DNM3: variants seen among roughly 807,000 people sequenced by gnomAD.
The protein encoded by DNM3 is dynamin-3.
In DNM3, 47 loss-of-function variants were observed where a neutral mutation model predicts 101.6. The observed-to-expected ratio is 0.46, with a 90% CI of 0.37 to 0.59. DNM3 has a LOEUF of 0.59. DNM3 is among the 20% of genes least tolerant of loss of function. The probability of loss-of-function intolerance (pLI) is 0.00; values close to 1 mark genes in which losing one functional copy is unlikely to be tolerated. For missense variants in DNM3, 849 were observed against 1,085.7 expected (o/e 0.78, Z 3.06); for synonymous variants, 385 against 387.9 (o/e 0.99, Z 0.09).
intron 16 of DNM3, among the ~76,000 whole-genome samples, chr1:172,311,562 C>G (rs2065082335): frequency 6.6e-6 from 1 of 152,130 alleles, no homozygotes; most frequent in Non-Finnish European, 1.5e-5. Flanking sequence ...TCCCACCGCA[C>G]TCCAGCCTGT....
At chr1:171,944,570 T>A (rs1348798071) in intron 2 of DNM3, among the ~76,000 whole-genome samples, 1 of 151,888 alleles carries the variant, frequency 6.6e-6, no homozygotes, top group Non-Finnish European at 1.5e-5. Context: ...AGACAGAGTT[T>A]CACCATGCTG....
At chr1:172,375,971 G>A (rs1332282402) in intron 17 of DNM3, among the ~76,000 whole-genome samples, 1 of 151,904 alleles carries the variant, frequency 6.6e-6, no homozygotes, top group Non-Finnish European at 1.5e-5. Flanking sequence ...CAGCCTGGAT[G>A]ACAGGGCAAG....
At chr1:172,375,503 G>A (rs1244273152) in intron 17 of DNM3, among the ~76,000 whole-genome samples, 1 of 151,952 alleles carries the variant, frequency 6.6e-6, no homozygotes, top group Non-Finnish European at 1.5e-5. Flanking sequence ...CGTTACCATG[G>A]TAACAGTGTT....
intron 14 of DNM3, among the ~76,000 whole-genome samples, chr1:172,149,561 A>C (rs1167058076): frequency 1.3e-5 from 2 of 152,120 alleles, no homozygotes; most frequent in African/African-American, 4.8e-5. Flanking sequence ...CACCCTCAAA[A>C]GCTGACAAGC....
chr1:172,221,198 G>A lies in DNM3; in HGVS notation c.1660-32375G>A, dbSNP rs376854504. Among the ~76,000 whole-genome samples the A allele has an allele frequency of 2.6e-5, 4 of 152,104 alleles. No homozygotes were observed. In the South Asian group the frequency reaches 8.3e-4, roughly 32 times the overall value. The stretch of plus-strand genomic sequence containing the variant: ...TATTATAAAAGTATACATTCACTAA[G>A]AAAACATTTACATAAGAAAAGTACT... On this transcript the variant is annotated intron_variant, in intron 14 of 20. Transcript: ENST00000627582.
intron 1 of DNM3, among the ~76,000 whole-genome samples, chr1:171,918,101 A>G (rs528444696): frequency 2.0e-4 from 31 of 152,334 alleles, no homozygotes; most frequent in African/African-American, 6.7e-4. Context: ...TCCTATCTCC[A>G]AATTCCATTA....
In DNM3 at chr1:172,387,230, G is replaced by T; in HGVS notation, c.2156G>T (p.Arg719Leu). The T allele has an allele frequency of 6.2e-7, 1 of 1,613,928 alleles. No homozygotes were observed. The highest frequency in any genetic ancestry group is 8.5e-7 in the Non-Finnish European group (1 of 1,179,890). Reference sequence around the variant, plus strand: ...GAATCTGCTGAGCAGGCTCAGCGCCGGGATGAGATGCTTCGAATGTATCAA... The same window carrying T: ...GAATCTGCTGAGCAGGCTCAGCGCCTGGATGAGATGCTTCGAATGTATCAA... ...MEESAEQAQR[R>L]DEMLRMYQAL... The change falls in exon 19 of 21, where the codon CGG becomes CTG. Residue 719 changes from arginine to leucine, a missense_variant. Transcript: ENST00000627582.
chr1:172,305,893 G>C (rs182390744), intron 15 of DNM3, among the ~76,000 whole-genome samples: 1 of 152,268 alleles, frequency 6.6e-6, no homozygotes, highest in African/African-American at 2.4e-5. Flanking sequence ...AAAATAATAA[G>C]AGCTATTTAT....
intron 15 of DNM3, 21 bp downstream of exon 15, chr1:172,253,703 C>T: frequency 6.7e-7 from 1 of 1,491,984 alleles, no homozygotes; most frequent in Admixed American, 2.2e-5. Context: ...GAAACAGTTC[C>T]TGTCTTCAGA....
chr1:171,874,302 G>T (rs2035562899), intron 1 of DNM3, among the ~76,000 whole-genome samples: 1 of 151,998 alleles, frequency 6.6e-6, no homozygotes, highest in South Asian at 2.1e-4. Context: ...AGTTGATTAG[G>T]TTAATTATCT....
chr1:172,414,959 C>T (rs2071379672), downstream of DNM3, among the ~76,000 whole-genome samples: 1 of 151,646 alleles, frequency 6.6e-6, no homozygotes, highest in Non-Finnish European at 1.5e-5. Flanking sequence ...TGGCTCATGC[C>T]TGTAGTTCCA....
chr1:172,111,584 T>C (rs1203064226), intron 13 of DNM3, among the ~76,000 whole-genome samples: 2 of 152,236 alleles, frequency 1.3e-5, no homozygotes, highest in Non-Finnish European at 2.9e-5. Context: ...ACATAGCTAG[T>C]AAATGGCAGA....
chr1:172,268,353 C>T (rs538499306), intron 15 of DNM3, among the ~76,000 whole-genome samples: 36 of 150,786 alleles, frequency 2.4e-4, no homozygotes, highest in Admixed American at 1.6e-3. Context: ...TCTGTTTTTG[C>T]GTTTGTTCTT....
intron 15 of DNM3, among the ~76,000 whole-genome samples, chr1:172,261,647 A>G (rs1003762525): frequency 1.1e-4 from 17 of 152,330 alleles, no homozygotes; most frequent in African/African-American, 4.1e-4. Context: ...TGGATGTGGC[A>G]TGGGCAATGG....
chr1:172,397,779 C>G (rs1180818376), intron 20 of DNM3, among the ~76,000 whole-genome samples: 1 of 151,550 alleles, frequency 6.6e-6, no homozygotes, highest in African/African-American at 2.4e-5. Flanking sequence ...TTTTCCTCTT[C>G]TAACTTAGGA....
chr1:172,195,775 G>C (rs575382944), intron 14 of DNM3, among the ~76,000 whole-genome samples: 1 of 151,884 alleles, frequency 6.6e-6, no homozygotes, highest in South Asian at 2.1e-4. Flanking sequence ...AATCTCACTT[G>C]GTTATGATGT....
intron 13 of DNM3, among the ~76,000 whole-genome samples, chr1:172,125,110 AAGC>A (rs1373290284): frequency 6.6e-6 from 1 of 152,158 alleles, no homozygotes; most frequent in East Asian, 1.9e-4. Flanking sequence ...ACCTTTATAG[AAGC>A]AGCTGCTTAT....
intron 20 of DNM3, among the ~76,000 whole-genome samples, chr1:172,391,465 G>A (rs2069525707): frequency 6.6e-6 from 1 of 152,072 alleles, no homozygotes; most frequent in Non-Finnish European, 1.5e-5. Context: ...GCCAGAGCAG[G>A]AATCCTACCA....
At chr1:172,027,585 AACACACACACACAC>A (rs61620821) in intron 4 of DNM3, among the ~76,000 whole-genome samples, 1 of 141,408 alleles carries the variant, frequency 7.1e-6, no homozygotes, top group Non-Finnish European at 1.5e-5. Context: ...TGTCTCAAGA[AACACACACACACAC>A]ACACACACAC....
Sources: allele counts gnomAD v4.1 joint callset (sites outside exome capture counted in the v4.1 genomes callset), GRCh38; gene constraint gnomAD v4.1.1; transcripts MANE v1.5; gene names NCBI Gene and HGNC (gene_info 2026-07-23, HGNC 2026-07-21).